CXADR: variants seen among roughly 807,000 people sequenced by gnomAD.
The protein encoded by CXADR is coxsackievirus and adenovirus receptor.
Under a neutral mutation model 40.3 loss-of-function variants are expected in CXADR, and 20 were observed. The observed-to-expected ratio is 0.50, with a 90% CI of 0.35 to 0.72. The LOEUF is 0.72. Ranked by LOEUF, CXADR falls within the 30% of genes least tolerant of loss-of-function variation. The pLI is 0.01. For synonymous variants in CXADR, 150 were observed against 161.3 expected (o/e 0.93, Z 0.53); for missense variants, 332 against 449.1 (o/e 0.74, Z 2.36).
At chr21:17,559,595 A>C (rs991218931) in intron 4 of CXADR, among the ~76,000 whole-genome samples, 9 of 151,288 alleles carry the variant, frequency 5.9e-5, no homozygotes, top group African/African-American at 1.9e-4. Flanking sequence ...ATTTAGTGTC[A>C]TATATTATAA....
At chr21:17,585,739 C>A (rs1355467958) in intron 7 of CXADR, among the ~76,000 whole-genome samples, 1 of 152,098 alleles carries the variant, frequency 6.6e-6, no homozygotes, top group African/African-American at 2.4e-5. Context: ...AGGATAGTCT[C>A]GATCTTTTGA....
the CXADR span, among the ~76,000 whole-genome samples, chr21:17,629,786 A>G: frequency 2.6e-5 from 4 of 152,006 alleles, no homozygotes; most frequent in Non-Finnish European, 5.9e-5. Flanking sequence ...AGTTTGGGCA[A>G]CATAGTGAGA....
chr21:17,585,814 G>A (rs2061391737), intron 7 of CXADR, among the ~76,000 whole-genome samples: 4 of 152,136 alleles, frequency 2.6e-5, no homozygotes, highest in South Asian at 4.2e-4. Context: ...CACCGCGCCC[G>A]GTTTTAATTC....
chr21:17,556,394 G>A (rs2061036779), intron 3 of CXADR, among the ~76,000 whole-genome samples: 1 of 152,160 alleles, frequency 6.6e-6, no homozygotes, highest in Non-Finnish European at 1.5e-5. Flanking sequence ...TTGTAGTGAG[G>A]CCCTGAATTT....
chr21:17,588,029 A>G (rs956942671), intron 7 of CXADR, among the ~76,000 whole-genome samples: 9 of 152,124 alleles, frequency 5.9e-5, no homozygotes, highest in Non-Finnish European at 8.8e-5. Flanking sequence ...GGTTTGTCAA[A>G]GATCAGATAG....
chr21:17,520,021 A>G (rs1376875057), intron 1 of CXADR, among the ~76,000 whole-genome samples: 3 of 151,994 alleles, frequency 2.0e-5, no homozygotes, highest in African/African-American at 7.3e-5. Context: ...ACACATATAT[A>G]TATAAAATAT....
rs71319643 is a variant in CXADR at position 17,534,258 on chromosome 21, G to A, written c.44-12769G>A. Among the ~76,000 whole-genome samples the A allele has an allele frequency of 8.0e-3, 1,202 of 151,166 alleles. 13 individuals are homozygous for A. The highest frequency in any genetic ancestry group is 0.028 in the South Asian group (131 of 4,762). The stretch of plus-strand genomic sequence containing the variant: ...ACTACAGGTGCCTGCCACCACACCC[G>A]GCTAGTTTCTGTATTTTTAGTAGAG... On this transcript the variant is annotated intron_variant, in intron 1 of 6. Coordinates refer to ENST00000284878, the MANE Select transcript of CXADR (RefSeq NM_001338.5).
intron 1 of CXADR, among the ~76,000 whole-genome samples, chr21:17,531,320 A>G (rs1420183632): frequency 6.6e-6 from 1 of 150,628 alleles, no homozygotes; most frequent in Non-Finnish European, 1.5e-5. Context: ...AAGAAAAGAA[A>G]AAAGAAAGTT....
At chr21:17,578,836 G>GA (rs2061339742) in intron 7 of CXADR, among the ~76,000 whole-genome samples, 1 of 152,058 alleles carries the variant, frequency 6.6e-6, no homozygotes, top group Non-Finnish European at 1.5e-5. Flanking sequence ...AAAAAATTAA[G>GA]AAATCTAAGG....
At chr21:17,629,207 C>G in the CXADR span, among the ~76,000 whole-genome samples, 1 of 151,800 alleles carries the variant, frequency 6.6e-6, no homozygotes, top group Non-Finnish European at 1.5e-5. Flanking sequence ...TAGCAAAACC[C>G]CATTTCTACT....
intron 7 of CXADR, among the ~76,000 whole-genome samples, chr21:17,585,590 T>A (rs2061389351): frequency 6.6e-6 from 1 of 152,190 alleles, no homozygotes; most frequent in Non-Finnish European, 1.5e-5. Flanking sequence ...CCATCTCGGC[T>A]CACTGCAACC....
rs771570606 is a variant in CXADR, at chr21:17,561,375, A to G, written c.732A>G (p.Ile244Met). 1 of 1,605,598 alleles carries G rather than the reference A, an allele frequency of 6.2e-7. No homozygotes were observed. Among genetic ancestry groups the G allele is most frequent in the South Asian group, 1.1e-5 (1 of 89,300 alleles). ...NKAGLIAGAI[I>M]GTLLALALIG... The stretch of plus-strand genomic sequence containing the variant: ...CTGGACTAATTGCAGGAGCCATTAT[A>G]GGAACTTTGCTTGCTCTAGCGCTCA... The change falls in exon 6 of 7, where the codon ATA becomes ATG. Residue 244 changes from isoleucine to methionine, a missense_variant. Physicochemically the swap from Ile to Met is conservative, Grantham distance 10 (BLOSUM62 1). This residue lies in a region of CXADR where 150 missense variants were observed against 194.2 expected (regional missense o/e 0.77). Transcript: ENST00000284878.
chr21:17,625,855 G>T, the CXADR span, among the ~76,000 whole-genome samples: 2 of 152,160 alleles, frequency 1.3e-5, no homozygotes, highest in African/African-American at 2.4e-5. Flanking sequence ...CTCACCTTAG[G>T]ATGTTAGCTC....
chr21:17,537,867 T>G (rs2060778982), intron 1 of CXADR, among the ~76,000 whole-genome samples: 1 of 151,796 alleles, frequency 6.6e-6, no homozygotes, highest in Non-Finnish European at 1.5e-5. Flanking sequence ...TTCAGTAAAG[T>G]GAGGAAAGTG....
Position 17,568,504 on chromosome 21 carries a change from G to A in CXADR, c.*2812G>A. The A allele has an allele frequency of 1.0e-6, 1 of 980,432 alleles. No individual in the cohort carries two copies. The highest frequency in any genetic ancestry group is 1.2e-6 in the Non-Finnish European group (1 of 828,350). The allele number at this position is 980,432 out of a possible 1,614,324, so 60.7% of individuals were successfully genotyped here. On this transcript the variant is annotated 3_prime_UTR_variant, in exon 7 of 7. Coordinates refer to ENST00000284878, the MANE Select transcript of CXADR (RefSeq NM_001338.5). ...GACTTGATACCATCCATCTCTTTAGGTTACAGAGGATAATTTGAAGAGAAA... is the reference window on the plus strand; with the variant it reads ...GACTTGATACCATCCATCTCTTTAGATTACAGAGGATAATTTGAAGAGAAA...
the CXADR span, chr21:17,599,040 T>C: frequency 2.4e-6 from 1 of 421,648 alleles, no homozygotes; most frequent in East Asian, 3.6e-5. Flanking sequence ...TTCATAAACA[T>C]AACCCCATTT....
rs559753551 is a variant in CXADR at position 17,567,577 on chromosome 21, A to G, written c.*1885A>G. 1.1e-4 allele frequency: 111 copies of G among 985,026 alleles called. No homozygotes were observed. Among genetic ancestry groups the G allele is most frequent in the Admixed American group, 4.3e-4 (7 of 16,288 alleles). 61.0% of individuals were successfully genotyped at this position (985,026 alleles called of 1,614,324 possible). Reference sequence around the variant, plus strand: ...TGCCTCTTTTCTGTTCTTTGTGGATATAACTTAAGCAATTGTGTTATTCAT... The same window carrying G: ...TGCCTCTTTTCTGTTCTTTGTGGATGTAACTTAAGCAATTGTGTTATTCAT... On this transcript the variant is annotated 3_prime_UTR_variant, in exon 7 of 7. Coordinates refer to ENST00000284878, the MANE Select transcript of CXADR (RefSeq NM_001338.5).
rs1364442676 is a variant in CXADR, at chr21:17,518,842, A to G, written c.43+5670A>G. On this transcript the variant is annotated intron_variant, in intron 1 of 6. Transcript: ENST00000284878. The stretch of plus-strand genomic sequence containing the variant: ...AATCATGTTCATCTCTTCAATACCA[A>G]CTATATTATTCACAGCCAGTTTTTT... 3 of 1,562,814 alleles carry G rather than the reference A, an allele frequency of 1.9e-6. No individual in the cohort carries two copies. In the East Asian group the frequency reaches 6.7e-5, roughly 35 times the overall value.
the CXADR span, among the ~76,000 whole-genome samples, chr21:17,601,878 C>G: frequency 6.6e-6 from 1 of 152,196 alleles, no homozygotes; most frequent in East Asian, 1.9e-4. Context: ...GCATTATTAA[C>G]TCAGATTTCT....
Sources: gnomAD v4.1 joint callset for allele counts (sites outside exome capture counted in the v4.1 genomes callset) on GRCh38, gnomAD v4.1.1 for gene constraint, gnomAD v4.1.1 regional missense constraint, MANE v1.5 for transcripts, NCBI Gene and HGNC (gene_info 2026-07-23, HGNC 2026-07-21) for gene names.